Variants in C8orf89 observed in about 807,000 individuals in gnomAD.
The protein encoded by C8orf89 is chromosome 8 open reading frame 89, also known as putative uncharacterized protein C8orf89.
A neutral mutation model predicts 15.8 loss-of-function variants in C8orf89; 14 were observed. The ratio of observed to expected loss-of-function variants is 0.89; its 90% CI spans 0.59 to 1.39. The LOEUF (loss-of-function observed/expected upper bound fraction) is 1.39, where lower values mean the gene tolerates loss of function less well. Ranked by LOEUF, C8orf89 falls within the 40% of genes most tolerant of loss-of-function variation. The pLI is 0.00. For missense variants in C8orf89, 181 were observed against 184.5 expected (o/e 0.98, Z 0.11); for synonymous variants, 55 against 62.2 (o/e 0.88, Z 0.54).
the C8orf89 span, among the ~76,000 whole-genome samples, chr8:73,280,947 A>C: frequency 6.6e-6 from 1 of 152,276 alleles, no homozygotes; most frequent in South Asian, 2.1e-4. Flanking sequence ...TCGCCAATCA[A>C]AATGGCAGGG....
the C8orf89 span, among the ~76,000 whole-genome samples, chr8:73,269,046 A>C: frequency 6.6e-6 from 1 of 152,286 alleles, no homozygotes; most frequent in South Asian, 2.1e-4. Context: ...CAAGCTGCAA[A>C]ACAAGGTGGA....
At chr8:73,257,205 T>C (rs751531916) in intron 1 of C8orf89, 79 bp from the exon 2 acceptor site, 48 of 879,252 alleles carry the variant, frequency 5.5e-5, no homozygotes, top group Non-Finnish European at 7.5e-5. Flanking sequence ...CATAATAAAA[T>C]ACACAAAATC....
chr8:73,285,893 T>C, the C8orf89 span, among the ~76,000 whole-genome samples: 1 of 151,990 alleles, frequency 6.6e-6, no homozygotes, highest in Non-Finnish European at 1.5e-5. Flanking sequence ...CCTGCGACGC[T>C]GGGCCCGGCC....
At chr8:73,275,141 A>C in the C8orf89 span, among the ~76,000 whole-genome samples, 1 of 152,034 alleles carries the variant, frequency 6.6e-6, no homozygotes, top group African/African-American at 2.4e-5. Context: ...TCCATGTACT[A>C]ATCTTAATTT....
chr8:73,272,440 TTC>T, the C8orf89 span, among the ~76,000 whole-genome samples: 3 of 151,950 alleles, frequency 2.0e-5, no homozygotes, highest in Non-Finnish European at 4.4e-5. Context: ...GCCCACTTAA[TTC>T]TTTTTTTTAA....
the C8orf89 span, among the ~76,000 whole-genome samples, chr8:73,270,652 T>C: frequency 6.6e-6 from 1 of 152,312 alleles, no homozygotes; most frequent in African/African-American, 2.4e-5. Flanking sequence ...ACACCTGTAA[T>C]CCCAGCACTT....
chr8:73,246,527 C>T (rs1048494040), intron 3 of C8orf89, among the ~76,000 whole-genome samples: 1 of 152,166 alleles, frequency 6.6e-6, no homozygotes. Flanking sequence ...TACAGGCGCA[C>T]ACCACAATTC....
At position 73,249,647 on chromosome 8, in the gene C8orf89, A is replaced by G. The variant is rs371891347; in HGVS notation, c.337+621T>C. 4.2e-4 allele frequency among the ~76,000 whole-genome samples: 64 copies of G among 152,320 alleles called. 1 individual carries two copies. In the South Asian group the frequency reaches 0.013, roughly 31 times the overall value. ...CACATAGGAAAGGATGAATCATTTG[A>G]TAGACTGAAGGACAAATGGCAAATA... On this transcript the variant is annotated intron_variant, in intron 3 of 3. Transcript: ENST00000624510.
At chr8:73,242,882 T>A (rs1209533802) in intron 3 of C8orf89, among the ~76,000 whole-genome samples, 1 of 152,146 alleles carries the variant, frequency 6.6e-6, no homozygotes, top group African/African-American at 2.4e-5. Context: ...CTGTTCACAA[T>A]GGCCAAGATT....
the C8orf89 span, among the ~76,000 whole-genome samples, chr8:73,264,761 G>A: frequency 2.0e-5 from 3 of 152,226 alleles, no homozygotes. Flanking sequence ...AAAGTGCTGG[G>A]ATTACAGGCG....
intron 2 of C8orf89, among the ~76,000 whole-genome samples, chr8:73,256,749 A>G (rs1046501848): frequency 5.4e-5 from 8 of 147,278 alleles, no homozygotes; most frequent in Admixed American, 2.7e-4. Context: ...AAAAAAAAAA[A>G]GCCCTTAAAT....
the C8orf89 span, among the ~76,000 whole-genome samples, chr8:73,285,256 T>C: frequency 1.3e-3 from 199 of 152,218 alleles, 1 homozygote; most frequent in African/African-American, 4.4e-3. Flanking sequence ...TAAGGGTGTG[T>C]CCACTTAACG....
chr8:73,259,436 ATTTC>A lies in C8orf89; in HGVS notation c.19_22del (p.Glu7SerfsTer17). The A allele has an allele frequency of 1.3e-6, 2 of 1,533,730 alleles. No individual in the cohort carries two copies. Among genetic ancestry groups the A allele is most frequent in the Non-Finnish European group, 1.7e-6 (2 of 1,145,980 alleles). ...GGTGAATTTAGAAGTCTCACATTTG[ATTTC>A]AGGAGATAGCACTGACATTTTTTCT... On this transcript the variant is annotated frameshift_variant, in exon 1 of 4. Transcript: ENST00000624510. LOFTEE classifies it high-confidence loss of function.
the C8orf89 span, among the ~76,000 whole-genome samples, chr8:73,280,158 C>T: frequency 4.6e-5 from 7 of 152,330 alleles, no homozygotes; most frequent in South Asian, 2.1e-4. Flanking sequence ...GATGGCTCAA[C>T]GGTGGCTTTC....
the C8orf89 span, among the ~76,000 whole-genome samples, chr8:73,267,908 G>A: frequency 2.6e-5 from 4 of 152,102 alleles, no homozygotes; most frequent in Non-Finnish European, 4.4e-5. Flanking sequence ...AACTCCTGCC[G>A]AAGATGTGTC....
intron 3 of C8orf89, among the ~76,000 whole-genome samples, chr8:73,244,160 G>A (rs1373025444): frequency 1.3e-5 from 2 of 152,086 alleles, no homozygotes; most frequent in African/African-American, 2.4e-5. Context: ...AAATAAAATC[G>A]TTCACTTAAC....
chr8:73,266,892 T>C, the C8orf89 span, among the ~76,000 whole-genome samples: 16 of 151,864 alleles, frequency 1.1e-4, no homozygotes, highest in African/African-American at 3.9e-4. Context: ...TCCAGGTCTG[T>C]GGTAGGAAAT....
upstream of C8orf89, among the ~76,000 whole-genome samples, chr8:73,262,775 C>A (rs1315953641): frequency 6.6e-6 from 1 of 150,788 alleles, no homozygotes; most frequent in Admixed American, 6.6e-5. Context: ...CATGATCATG[C>A]CACTGCATTC....
At chr8:73,273,243 C>T in the C8orf89 span, among the ~76,000 whole-genome samples, 1 of 152,184 alleles carries the variant, frequency 6.6e-6, no homozygotes, top group Non-Finnish European at 1.5e-5. Flanking sequence ...GGCACAGCTG[C>T]AGCCACCCAG....
Sources: gnomAD v4.1 joint callset for allele counts (sites outside exome capture counted in the v4.1 genomes callset) on GRCh38, gnomAD v4.1.1 for gene constraint, MANE v1.5 for transcripts, NCBI Gene and HGNC (gene_info 2026-07-23, HGNC 2026-07-21) for gene names.